The following RBFOX1 variants were observed in gnomAD, a reference collection of about 807,000 sequenced individuals.
RBFOX1 encodes the protein RNA binding fox-1 homolog 1.
Under a neutral mutation model 57.7 loss-of-function variants are expected in RBFOX1, and 8 were observed. The observed-to-expected ratio is 0.14, with a 90% CI of 0.08 to 0.25. The LOEUF is 0.25. RBFOX1 is among the 10% of genes least tolerant of loss of function. The pLI is 1.00. For missense variants in RBFOX1, 611 were observed against 548.5 expected, an observed-to-expected ratio of 1.11 and a Z score of -1.14; for synonymous variants, 326 against 222.4, an observed-to-expected ratio of 1.47 and a Z score of -4.15.
intron 4 of RBFOX1, among the ~76,000 whole-genome samples, chr16:7,246,890 G>C (rs184518933): frequency 1.4e-4 from 21 of 152,196 alleles, no homozygotes; most frequent in Admixed American, 9.2e-4. Flanking sequence ...CACGAGACAG[G>C]AAAGTTATAC....
chr16:5,875,956 G>A (rs373030683), intron 4 of RBFOX1, among the ~76,000 whole-genome samples: 120 of 151,522 alleles, frequency 7.9e-4, no homozygotes, highest in African/African-American at 2.9e-3. Context: ...TCATTCTCCT[G>A]CCTCAGCCTC....
intron 3 of RBFOX1, among the ~76,000 whole-genome samples, chr16:5,731,509 G>T (rs1009723972): frequency 3.3e-5 from 5 of 152,176 alleles, no homozygotes; most frequent in Non-Finnish European, 5.9e-5. Flanking sequence ...AGTAGGAGGG[G>T]CCGTGATTTG....
chr16:5,742,294 GCCTCCCTCCCTTCCTC>G (rs1301915564), intron 3 of RBFOX1, among the ~76,000 whole-genome samples: 11 of 81,076 alleles, frequency 1.4e-4, no homozygotes, highest in South Asian at 5.2e-4. Flanking sequence ...CTCCCTTCCT[GCCTCCCTCCCTTCCTC>G]CCTCCCTCCC....
chr16:5,548,448 A>G (rs910548885), intron 2 of RBFOX1, among the ~76,000 whole-genome samples: 1 of 151,956 alleles, frequency 6.6e-6, no homozygotes, highest in African/African-American at 2.4e-5. Flanking sequence ...TGGTAGCACA[A>G]TATAGTGACC....
chr16:6,626,692 A>G (rs1407853493), intron 2 of RBFOX1, among the ~76,000 whole-genome samples: 3 of 152,072 alleles, frequency 2.0e-5, no homozygotes, highest in Non-Finnish European at 4.4e-5. Flanking sequence ...CCCGGGAGAC[A>G]GAGGTTGCAG....
chr16:6,798,152 C>G (rs570833614), intron 3 of RBFOX1, among the ~76,000 whole-genome samples: 1 of 152,082 alleles, frequency 6.6e-6, no homozygotes, highest in African/African-American at 2.4e-5. Flanking sequence ...ATTAGCAGAA[C>G]AAATGAAAGC....
intron 4 of RBFOX1, among the ~76,000 whole-genome samples, chr16:7,276,506 C>G (rs1208007498): frequency 6.6e-6 from 1 of 152,154 alleles, no homozygotes; most frequent in East Asian, 1.9e-4. Flanking sequence ...TCCCTGATAG[C>G]AAGCAAAGGG....
intron 3 of RBFOX1, among the ~76,000 whole-genome samples, chr16:5,750,878 C>G (rs537113767): frequency 2.6e-5 from 4 of 152,218 alleles, no homozygotes; most frequent in Admixed American, 2.0e-4. Context: ...TGTCCTGTCC[C>G]CACTGTCTGA....
intron 4 of RBFOX1, among the ~76,000 whole-genome samples, chr16:7,103,270 T>C (rs1028469898): frequency 2.6e-5 from 4 of 152,150 alleles, no homozygotes; most frequent in Non-Finnish European, 5.9e-5. Flanking sequence ...ACTTTAACTG[T>C]TTTGAGTTTA....
At position 5,760,007 on chromosome 16, in the gene RBFOX1, T is replaced by TAA. The variant is rs34698634; in HGVS notation, c.319-107282_319-107281dup. Among the ~76,000 whole-genome samples the TAA allele has an allele frequency of 1.7e-3, 237 of 142,380 alleles. 2 individuals carry two copies. Among genetic ancestry groups the TAA allele is most frequent in the East Asian group, 8.8e-3 (44 of 4,992 alleles). The allele number at this position is 142,380 out of a possible 152,430, so 93.4% of individuals were successfully genotyped here. A position where few individuals can be genotyped will look rare whatever the true frequency, so the allele number is the denominator to read the frequency against. On this transcript the variant is annotated intron_variant, in intron 3 of 19. Coordinates refer to the RBFOX1 transcript ENST00000641259. ...ATGGCTATAAATATCCCCACTGGGT[T>TAA]AAAAAAAAAAAAAAACCTTGTATTT...
chr16:5,266,298 G>T (rs1350944927), intron 1 of RBFOX1, among the ~76,000 whole-genome samples: 2 of 152,086 alleles, frequency 1.3e-5, no homozygotes, highest in Admixed American at 1.3e-4. Context: ...GGACTCACTG[G>T]ATGCAGTAAC....
At chr16:6,658,789 G>T (rs893020492) in intron 3 of RBFOX1, among the ~76,000 whole-genome samples, 1 of 152,076 alleles carries the variant, frequency 6.6e-6, no homozygotes. Flanking sequence ...GAGCCCCTAT[G>T]AATGTACCTG....
intron 2 of RBFOX1, among the ~76,000 whole-genome samples, chr16:6,593,548 C>G (rs1192491330): frequency 6.6e-6 from 1 of 152,104 alleles, no homozygotes; most frequent in Non-Finnish European, 1.5e-5. Flanking sequence ...AGGATTGTGG[C>G]TTTGCTTTGG....
At chr16:6,572,347 G>T (rs868164152) in intron 2 of RBFOX1, among the ~76,000 whole-genome samples, 15 of 152,252 alleles carry the variant, frequency 9.9e-5, no homozygotes, top group Non-Finnish European at 2.1e-4. Flanking sequence ...TAATGAGTAT[G>T]TTCTGCTTTT....
At chr16:7,487,836 G>GA (rs1251852841) in intron 4 of RBFOX1, among the ~76,000 whole-genome samples, 2 of 152,062 alleles carry the variant, frequency 1.3e-5, no homozygotes, top group African/African-American at 2.4e-5. Context: ...GTCTTGGGTA[G>GA]AAAAAAAGCT....
At chr16:6,267,584 T>TAA (rs1567813125) in intron 1 of RBFOX1, among the ~76,000 whole-genome samples, 1 of 152,214 alleles carries the variant, frequency 6.6e-6, no homozygotes, top group Admixed American at 6.5e-5. Context: ...TTTCTTTTTT[T>TAA]ACCATAAGTT....
chr16:5,845,607 T>C (rs1453522442), intron 3 of RBFOX1, among the ~76,000 whole-genome samples: 2 of 152,224 alleles, frequency 1.3e-5, no homozygotes, highest in African/African-American at 4.8e-5. Flanking sequence ...GTGCTTTTCT[T>C]TGTTATTCCC....
At position 6,101,610 on chromosome 16, in the gene RBFOX1, C is replaced by G. The variant is rs554227605; in HGVS notation, c.-127+81618C>G. The stretch of plus-strand genomic sequence containing the variant: ...CAAGTGATACTCCTGCCTCACCCTC[C>G]GGAGTAGCTGGGATTACAGGCACTG... On this transcript the variant is annotated intron_variant, in intron 1 of 15. Coordinates refer to ENST00000550418, the MANE Select transcript of RBFOX1 (RefSeq NM_018723.4). Among the ~76,000 whole-genome samples the G allele has an allele frequency of 2.6e-5, 4 of 152,264 alleles. No individual in the cohort carries two copies. In the East Asian group the frequency reaches 7.8e-4, roughly 30 times the overall value.
At chr16:6,035,170 G>A (rs967848749) in intron 1 of RBFOX1, among the ~76,000 whole-genome samples, 13 of 152,124 alleles carry the variant, frequency 8.5e-5, no homozygotes, top group South Asian at 2.1e-4. Context: ...TTTGCCAAAC[G>A]TCCCTGGGGT....
Sources: gnomAD v4.1 joint callset for allele counts (sites outside exome capture counted in the v4.1 genomes callset) on GRCh38, gnomAD v4.1.1 for gene constraint, MANE v1.5 for transcripts, NCBI Gene and HGNC (gene_info 2026-07-23, HGNC 2026-07-21) for gene names.